The following KIF1B variants were observed in gnomAD, a reference collection of about 807,000 sequenced individuals.
KIF1B encodes kinesin family member 1B, also known as kinesin-like protein KIF1B.
A neutral mutation model predicts 241.9 loss-of-function variants in KIF1B; 76 were observed. That is an observed-to-expected ratio of 0.31 (90% CI 0.26 to 0.38). The LOEUF (loss-of-function observed/expected upper bound fraction) is 0.38, where lower values mean the gene tolerates loss of function less well. Among genes scored for constraint, KIF1B ranks in the 10% least tolerant of loss-of-function variants. The probability of loss-of-function intolerance (pLI) is 1.00; values close to 1 mark genes in which losing one functional copy is unlikely to be tolerated. For missense variants in KIF1B, 1,622 were observed against 2,271.4 expected, an observed-to-expected ratio of 0.71 and a Z score of 5.81; for synonymous variants, 750 against 796.7, an observed-to-expected ratio of 0.94 and a Z score of 0.99.
At chr1:10,344,208 C>A (rs1487930453) in intron 34 of KIF1B, among the ~76,000 whole-genome samples, 1 of 152,196 alleles carries the variant, frequency 6.6e-6, no homozygotes, top group Non-Finnish European at 1.5e-5. Context: ...TTGCCACCTT[C>A]CAGGATGAGG....
chr1:10,350,934 AC>A (rs1652769507), intron 37 of KIF1B, among the ~76,000 whole-genome samples: 1 of 152,124 alleles, frequency 6.6e-6, no homozygotes, highest in African/African-American at 2.4e-5. Context: ...CTGTCTCTCT[AC>A]AAATAAGCTG....
chr1:10,265,231 TA>T (rs1282202292), intron 5 of KIF1B, among the ~76,000 whole-genome samples: 143 of 149,724 alleles, frequency 9.6e-4, no homozygotes, highest in African/African-American at 3.2e-3. Context: ...TTTATTTATT[TA>T]TTTATTTATT....
rs77006257 is a variant in KIF1B, at chr1:10,362,547, A to G, written c.4304+722A>G. Among the ~76,000 whole-genome samples, 849 of 152,016 alleles carry G rather than the reference A, an allele frequency of 5.6e-3. 11 individuals carry two copies. Among genetic ancestry groups the G allele is most frequent in the African/African-American group, 0.019 (790 of 41,516 alleles). On this transcript the variant is annotated intron_variant, in intron 40 of 48. Coordinates refer to ENST00000676179, the MANE Select transcript of KIF1B (RefSeq NM_001365951.3). ...GAAACAATACAATGAATACCTGTGT[A>G]TCACCGCCCAGCTTAAAAATAAGTG...
At chr1:10,215,330 C>A (rs893299390) in intron 1 of KIF1B, among the ~76,000 whole-genome samples, 1 of 150,760 alleles carries the variant, frequency 6.6e-6, no homozygotes, top group African/African-American at 2.4e-5. Context: ...GCCTGTGCCA[C>A]CACGCCCAGC....
intron 38 of KIF1B, among the ~76,000 whole-genome samples, chr1:10,354,141 T>C (rs1046716744): frequency 1.3e-5 from 2 of 152,214 alleles, no homozygotes; most frequent in Admixed American, 1.3e-4. Flanking sequence ...TTGGCTTTGT[T>C]AGAAGCAGCT....
At chr1:10,336,172 G>A (rs1056141807) in intron 28 of KIF1B, among the ~76,000 whole-genome samples, 3 of 151,714 alleles carry the variant, frequency 2.0e-5, no homozygotes, top group East Asian at 1.9e-4. Context: ...TTTTTGAGAC[G>A]GAGTCTCGCT....
intron 1 of KIF1B, among the ~76,000 whole-genome samples, chr1:10,223,783 AT>A (rs1646876105): frequency 6.6e-6 from 1 of 151,970 alleles, no homozygotes; most frequent in South Asian, 2.1e-4. Context: ...TGACCTCATG[AT>A]CCGCCCGCCT....
intron 2 of KIF1B, among the ~76,000 whole-genome samples, chr1:10,237,001 G>A (rs1033429464): frequency 5.3e-5 from 8 of 152,152 alleles, no homozygotes; most frequent in African/African-American, 1.7e-4. Context: ...ACTGATTGCA[G>A]ATGGAATGCA....
intron 43 of KIF1B, among the ~76,000 whole-genome samples, chr1:10,367,304 C>T (rs1420797613): frequency 6.6e-6 from 1 of 151,490 alleles, no homozygotes; most frequent in East Asian, 2.0e-4. Context: ...CCATGTTGGC[C>T]AGGCTGGTCT....
At chr1:10,224,575 C>T (rs184568517) in intron 1 of KIF1B, among the ~76,000 whole-genome samples, 32 of 152,114 alleles carry the variant, frequency 2.1e-4, no homozygotes, top group African/African-American at 6.5e-4. Flanking sequence ...CATGCCACCA[C>T]ACCCAGCTAA....
chr1:10,375,177 T>C, intron 47 of KIF1B, 78 bp from the exon 48 acceptor site: 1 of 1,467,360 alleles, frequency 6.8e-7, no homozygotes, highest in African/African-American at 1.4e-5. Flanking sequence ...AAGTGCTATA[T>C]GCCTTGGGAA....
intron 2 of KIF1B, among the ~76,000 whole-genome samples, chr1:10,244,509 T>G (rs1247446540): frequency 6.6e-6 from 1 of 151,990 alleles, no homozygotes; most frequent in African/African-American, 2.4e-5. Context: ...GAGACAGGGT[T>G]TCCCCATCTT....
rs113076109 is a variant in KIF1B at position 10,226,492 on chromosome 1, A to G, written c.-79-5758A>G. Among the ~76,000 whole-genome samples the G allele has an allele frequency of 5.7e-3, 864 of 152,294 alleles. 11 individuals carry two copies. The highest frequency in any genetic ancestry group is 0.019 in the African/African-American group (801 of 41,560). On this transcript the variant is annotated intron_variant, in intron 1 of 48. Transcript: ENST00000676179. ...TTTCTTGTCTTGTTTGTAACATTCA[A>G]CACTTTGGTAGGTCCTAGGTAGAAC...
intron 1 of KIF1B, among the ~76,000 whole-genome samples, chr1:10,214,300 T>G (rs866719645): frequency 6.4e-4 from 98 of 152,186 alleles, no homozygotes; most frequent in African/African-American, 2.3e-3. Context: ...TCTTTCTTTT[T>G]TTTTTTTAAG....
Position 10,379,133 on chromosome 1 carries a change from C to T in KIF1B, c.*2546C>T. 4.3e-6 allele frequency: 1 copy of T among 232,114 alleles called. No homozygotes were observed. Among genetic ancestry groups the T allele is most frequent in the East Asian group, 6.1e-5 (1 of 16,390 alleles). 14.4% of individuals were successfully genotyped at this position (232,114 alleles called of 1,614,324 possible). A position where few individuals can be genotyped will look rare whatever the true frequency, so the allele number is the denominator to read the frequency against. On this transcript the variant is annotated 3_prime_UTR_variant, in exon 49 of 49. Coordinates refer to ENST00000676179, the MANE Select transcript of KIF1B (RefSeq NM_001365951.3). ...CACTTTTAAAATTAAGTCATTGATG[C>T]TGCTGTTACAGAGTGTGACAGAGGA...
At chr1:10,323,251 G>T (rs1651592314) in intron 24 of KIF1B, among the ~76,000 whole-genome samples, 1 of 152,124 alleles carries the variant, frequency 6.6e-6, no homozygotes, top group Non-Finnish European at 1.5e-5. Context: ...ATTAGTGAGG[G>T]ACTAGATATG....
intron 1 of KIF1B, among the ~76,000 whole-genome samples, chr1:10,226,354 A>G (rs1219402902): frequency 6.6e-6 from 1 of 152,166 alleles, no homozygotes; most frequent in Non-Finnish European, 1.5e-5. Flanking sequence ...GTCTATAGAA[A>G]AATGTATGTG....
At chr1:10,265,182 T>C (rs1648381529) in intron 5 of KIF1B, among the ~76,000 whole-genome samples, 1 of 151,526 alleles carries the variant, frequency 6.6e-6, no homozygotes. Context: ...GGCCAAGTTC[T>C]TAATTTTTTA....
intron 2 of KIF1B, among the ~76,000 whole-genome samples, chr1:10,245,011 CTAAAGTTAATA>C (rs1200027678): frequency 6.6e-6 from 1 of 152,138 alleles, no homozygotes; most frequent in Admixed American, 6.5e-5. Context: ...TGCTTGGTTA[CTAAAGTTAATA>C]TAAAGTTACA....
Sources: allele counts gnomAD v4.1 joint callset (sites outside exome capture counted in the v4.1 genomes callset), GRCh38; gene constraint gnomAD v4.1.1; transcripts MANE v1.5; gene names NCBI Gene and HGNC (gene_info 2026-07-23, HGNC 2026-07-21).